Variants in PCNX1 observed in about 807,000 individuals in gnomAD.
PCNX1 encodes pecanex-like protein 1.
A neutral mutation model predicts 242.2 loss-of-function variants in PCNX1; 78 were observed. That is an observed-to-expected ratio of 0.32 (90% CI 0.27 to 0.39). PCNX1 has a LOEUF of 0.39. PCNX1 is among the 10% of genes least tolerant of loss of function. The pLI, the probability that PCNX1 is intolerant of heterozygous loss-of-function variation, is 1.00. For missense variants in PCNX1, 2,581 were observed against 2,856.5 expected, an observed-to-expected ratio of 0.90 and a Z score of 2.20; for synonymous variants, 1,024 against 1,032.9, an observed-to-expected ratio of 0.99 and a Z score of 0.17.
chr14:71,072,418 AAATG>A (rs1232417221), intron 26 of PCNX1, among the ~76,000 whole-genome samples: 1 of 152,232 alleles, frequency 6.6e-6, no homozygotes, highest in Middle Eastern at 3.2e-3. Flanking sequence ...TTAAACAAGA[AAATG>A]AATTAATGGA....
intron 16 of PCNX1, among the ~76,000 whole-genome samples, chr14:71,029,335 A>C (rs1219527397): frequency 6.6e-6 from 1 of 152,206 alleles, no homozygotes; most frequent in Non-Finnish European, 1.5e-5. Context: ...TCAGCTCCTC[A>C]TGCATACTTG....
intron 9 of PCNX1, 82 bp downstream of exon 9, chr14:71,009,806 G>A (rs2059771581): frequency 2.7e-6 from 2 of 738,328 alleles, no homozygotes; most frequent in Non-Finnish European, 2.0e-6. Context: ...AACTATAAAA[G>A]TTAATTTTTT....
intron 22 of PCNX1, among the ~76,000 whole-genome samples, chr14:71,048,541 A>T (rs997145512): frequency 1.3e-4 from 20 of 152,330 alleles, no homozygotes; most frequent in African/African-American, 4.8e-4. Context: ...GCTGAATCAC[A>T]CTACCTTTCT....
chr14:70,938,160 A>G (rs2057085625), intron 1 of PCNX1, among the ~76,000 whole-genome samples: 2 of 152,106 alleles, frequency 1.3e-5, no homozygotes, highest in African/African-American at 4.8e-5. Flanking sequence ...AGAACTTCCA[A>G]CACTATGTTG....
intron 16 of PCNX1, among the ~76,000 whole-genome samples, chr14:71,030,873 G>T (rs1402281413): frequency 2.0e-5 from 3 of 152,036 alleles, no homozygotes; most frequent in Non-Finnish European, 2.9e-5. Context: ...CAGGATGATG[G>T]TTATAAGGAT....
chr14:70,950,733 G>C (rs892623399), intron 2 of PCNX1, among the ~76,000 whole-genome samples: 15 of 151,854 alleles, frequency 9.9e-5, no homozygotes, highest in African/African-American at 3.6e-4. Flanking sequence ...TGAATTACTA[G>C]TGAAATGGAG....
intron 12 of PCNX1, among the ~76,000 whole-genome samples, chr14:71,019,870 T>A (rs1054405404): frequency 2.6e-5 from 4 of 151,982 alleles, no homozygotes; most frequent in Admixed American, 2.6e-4. Flanking sequence ...CCACCATGCA[T>A]CCCACCATGC....
In PCNX1 at chr14:71,045,210, A is replaced by C; in HGVS notation, c.3945A>C (p.Arg1315Ser). The change falls in exon 20 of 36, where the codon AGA (arginine) becomes AGC (serine). Residue 1315 changes from arginine to serine, a missense_variant. By Grantham distance (110) the Arg-to-Ser change is moderately radical. Transcript: ENST00000304743. ...CCCATTATGTGCTGCCTCAAGTTAGAAAACAGCTACCATGGCACTGTTTCT... is the reference window on the plus strand; with the variant it reads ...CCCATTATGTGCTGCCTCAAGTTAGCAAACAGCTACCATGGCACTGTTTCT... The part of the protein sequence containing the change: ...FVTHYVLPQV[R>S]KQLPWHCFSH... 1 of 1,613,178 alleles carries C rather than the reference A, an allele frequency of 6.2e-7. No individual in the cohort carries two copies. The highest frequency in any genetic ancestry group is 8.5e-7 in the Non-Finnish European group (1 of 1,179,178).
At chr14:70,910,067 T>TCCTCCTCCTCCC (rs1469541589) in intron 1 of PCNX1, among the ~76,000 whole-genome samples, 1 of 24,472 alleles carries the variant, frequency 4.1e-5, no homozygotes, top group Non-Finnish European at 7.8e-5. Flanking sequence ...CTCCTCCCCC[T>TCCTCCTCCTCCC]CCTCCTCCTC....
intron 16 of PCNX1, among the ~76,000 whole-genome samples, chr14:71,029,406 G>T (rs2060322332): frequency 1.3e-5 from 2 of 152,156 alleles, no homozygotes; most frequent in Admixed American, 1.3e-4. Context: ...TGGTAGGGTT[G>T]AAAGGACTAT....
chr14:71,059,493 C>T (rs1353487634), intron 26 of PCNX1, among the ~76,000 whole-genome samples: 2 of 152,094 alleles, frequency 1.3e-5, no homozygotes, highest in Admixed American at 1.3e-4. Flanking sequence ...AAGGGATCCT[C>T]TTGCCTCAGC....
intron 1 of PCNX1, among the ~76,000 whole-genome samples, chr14:70,913,255 T>C (rs3122093): frequency 2.0e-5 from 3 of 152,160 alleles, no homozygotes; most frequent in Non-Finnish European, 4.4e-5. Context: ...ATGTGAAGCT[T>C]TTTTAGACTT....
intron 7 of PCNX1, among the ~76,000 whole-genome samples, chr14:70,994,355 T>C (rs941082437): frequency 2.8e-5 from 4 of 144,428 alleles, no homozygotes. Flanking sequence ...TCAGACAGCA[T>C]AGTTCCAGAA....
intron 3 of PCNX1, among the ~76,000 whole-genome samples, chr14:70,967,119 A>G (rs943714788): frequency 2.0e-5 from 3 of 152,234 alleles, no homozygotes; most frequent in Non-Finnish European, 4.4e-5. Context: ...TGTAACTTAC[A>G]CAGCGTAGTG....
chr14:70,964,343 A>G (rs2058313980), intron 3 of PCNX1, among the ~76,000 whole-genome samples: 1 of 152,194 alleles, frequency 6.6e-6, no homozygotes, highest in Non-Finnish European at 1.5e-5. Context: ...CTGGGATTAC[A>G]GATGTGAGTC....
rs1200279353 is a variant in PCNX1 at position 70,995,797 on chromosome 14, G to GC, written c.2507dup (p.Ser837PhefsTer9). The GC allele has an allele frequency of 6.2e-7, 1 of 1,613,750 alleles. No homozygotes were observed. The highest frequency in any genetic ancestry group is 1.3e-5 in the African/African-American group (1 of 74,814). On this transcript the variant is annotated frameshift_variant, in exon 8 of 36. Transcript: ENST00000304743. LOFTEE classifies it high-confidence loss of function. ...ACAGCCCAGGTCAAAGTCCAGTCCC[G>GC]CCCCCCTTCCCAGGCTGCAGTGCTC...
chr14:70,956,992 A>AT (rs1555348050), intron 2 of PCNX1, among the ~76,000 whole-genome samples: 2 of 149,730 alleles, frequency 1.3e-5, no homozygotes, highest in East Asian at 1.9e-4. Context: ...TGTTTTTATT[A>AT]TATTATTATT....
At chr14:70,957,043 T>C (rs181416220) in intron 2 of PCNX1, among the ~76,000 whole-genome samples, 198 of 152,212 alleles carry the variant, frequency 1.3e-3, no homozygotes, top group African/African-American at 4.6e-3. Flanking sequence ...TTGCCCAGGC[T>C]GGAGTGCAGT....
At chr14:71,069,324 T>A (rs187474129) in intron 26 of PCNX1, among the ~76,000 whole-genome samples, 75 of 152,330 alleles carry the variant, frequency 4.9e-4, no homozygotes, top group Admixed American at 1.6e-3. Context: ...CATTTTTCAT[T>A]TTTAAAGTCA....
Sources: allele counts gnomAD v4.1 joint callset (sites outside exome capture counted in the v4.1 genomes callset), GRCh38; gene constraint gnomAD v4.1.1; transcripts MANE v1.5; gene names NCBI Gene and HGNC (gene_info 2026-07-23, HGNC 2026-07-21).